ITPRIP: variants seen among roughly 807,000 people sequenced by gnomAD.
ITPRIP encodes the protein inositol 1,4,5-trisphosphate receptor interacting protein.
In ITPRIP, 32 loss-of-function variants were observed where a neutral mutation model predicts 35.8. The observed-to-expected ratio is 0.89, with a 90% CI of 0.68 to 1.20. The LOEUF (loss-of-function observed/expected upper bound fraction) is 1.20, where lower values mean the gene tolerates loss of function less well. Among genes scored for constraint, ITPRIP ranks in the 50% most tolerant of loss-of-function variants. The pLI is 0.00. For synonymous variants in ITPRIP, 358 were observed against 324.0 expected (o/e 1.11, Z -1.13); for missense variants, 653 against 735.6 (o/e 0.89, Z 1.30).
In ITPRIP at chr10:104,315,428, G is replaced by A. The variant is rs2013639574; in HGVS notation, c.624C>T (p.Cys208=). ...GGGGTGTGAAGGGCACGAAAAGGTG[G>A]CACAGCAGTGGCCTGTCCACCTGCC... is the stretch of plus-strand genomic sequence containing the variant. ...ENWQVDRPLL[C]HLFVPFTPPE... is the part of the protein sequence containing the mutation. Residue 208 remains cysteine, a synonymous_variant, in exon 2 of 2, where the codon TGC becomes TGT. Coordinates refer to ENST00000337478, the MANE Select transcript of ITPRIP (RefSeq NM_001272013.2). The surrounding 1 kb of genome is among the most constrained non-coding windows in gnomAD (Gnocchi z 5.7). 1.3e-6 allele frequency: 2 copies of A among 1,598,284 alleles called. No homozygotes were observed. The highest frequency in any genetic ancestry group is 2.7e-5 in the African/African-American group (2 of 74,828).
chr10:104,315,400 CG>C lies in ITPRIP; in HGVS notation c.651del (p.Glu218SerfsTer36). Reference protein sequence around the residue: ...LCHLFVPFTPPEPYRFHPELW... With the variant: ...LCHLFVPFTPXEPYRFHPELW... ...AGCTCTGGGTGGAAGCGGTAGGGCT[CG>C]GGGGGTGTGAAGGGCACGAAAAGGT... On this transcript the variant is annotated frameshift_variant, in exon 2 of 2. Coordinates refer to ENST00000337478, the MANE Select transcript of ITPRIP (RefSeq NM_001272013.2). LOFTEE classifies it high-confidence loss of function. This position sits in a 1 kb window ranked among gnomAD's most constrained non-coding sequence, Gnocchi z 5.7. 1.3e-6 allele frequency: 2 copies of C among 1,579,370 alleles called. No homozygotes were observed. The highest frequency in any genetic ancestry group is 8.6e-7 in the Non-Finnish European group (1 of 1,159,898).
In ITPRIP at chr10:104,312,077, A is replaced by G. The variant is rs954445628; in HGVS notation, c.*2331T>C. ...TAGGAAATCCACCCCCCTGTCCCCA[A>G]CTCTGCCCTGGGAGCCTCACAGATT... On this transcript the variant is annotated 3_prime_UTR_variant, in exon 2 of 2. Transcript: ENST00000337478. 2 of 152,262 alleles carry G rather than the reference A, an allele frequency of 1.3e-5. No individual in the cohort carries two copies. Among genetic ancestry groups the G allele is most frequent in the East Asian group, 1.9e-4 (1 of 5,178 alleles). The allele number at this position is 152,262 out of a possible 1,614,324, so 9.4% of individuals were successfully genotyped here. A position where few individuals can be genotyped will look rare whatever the true frequency, so the allele number is the denominator to read the frequency against.
Position 104,314,552 on chromosome 10 carries a change from G to A in ITPRIP, c.1500C>T (p.Leu500=). The A allele has an allele frequency of 6.2e-7, 1 of 1,614,236 alleles. No individual in the cohort carries two copies. The highest frequency in any genetic ancestry group is 8.5e-7 in the Non-Finnish European group (1 of 1,180,048). ...GCAGGACGAAGGGCCGGAAGAGGTT[G>A]AGGGGCTCGGCCCTGAGCACGGCCT... ...LPEAVLRAEP[L]NLFRPFVLQR... is the part of the protein sequence containing the mutation. Residue 500 remains leucine, a synonymous_variant, in exon 2 of 2, where the codon CTC becomes CTT. Coordinates refer to ENST00000337478, the MANE Select transcript of ITPRIP (RefSeq NM_001272013.2).
intron 1 of ITPRIP, among the ~76,000 whole-genome samples, chr10:104,336,494 T>TTGGGGGG (rs1491360945): frequency 1.3e-5 from 1 of 74,610 alleles, no homozygotes; most frequent in African/African-American, 4.1e-5. Flanking sequence ...TATTTTTTTT[T>TTGGGGGG]GGGGGGGGGG....
At chr10:104,319,689 C>T (rs141335069) in intron 1 of ITPRIP, among the ~76,000 whole-genome samples, 103 of 152,196 alleles carry the variant, frequency 6.8e-4, no homozygotes, top group African/African-American at 2.4e-3. Flanking sequence ...CAGGGCCCAC[C>T]AGATGGGGTT....
In ITPRIP at chr10:104,328,629, C is replaced by T. The variant is rs2014081992; in HGVS notation, c.-14+9617G>A. Reference sequence around the variant, plus strand: ...AACAAAGCCCTCCCTTGGCCACTCCCCGCCCCCTTCCACTTTCCCCCTTTC... The same window carrying T: ...AACAAAGCCCTCCCTTGGCCACTCCTCGCCCCCTTCCACTTTCCCCCTTTC... On this transcript the variant is annotated intron_variant, in intron 1 of 1. Transcript: ENST00000337478. The surrounding 1 kb of genome is among the most constrained non-coding windows in gnomAD (Gnocchi z 4.1). Among the ~76,000 whole-genome samples the T allele has an allele frequency of 6.6e-6, 1 of 152,082 alleles. No homozygotes were observed. Among genetic ancestry groups the T allele is most frequent in the African/African-American group, 2.4e-5 (1 of 41,382 alleles).
At chr10:104,318,612 G>A (rs2013753403) in intron 1 of ITPRIP, among the ~76,000 whole-genome samples, 2 of 152,204 alleles carry the variant, frequency 1.3e-5, no homozygotes, top group Admixed American at 6.5e-5. Flanking sequence ...AGGAGGAGCT[G>A]TAAGAGCCTC....
chr10:104,324,998 G>A (rs1309517033), intron 1 of ITPRIP, among the ~76,000 whole-genome samples: 5 of 152,160 alleles, frequency 3.3e-5, no homozygotes, highest in Non-Finnish European at 2.9e-5. Flanking sequence ...CAGATGGATC[G>A]CCTGAGCTCA....
At position 104,315,911 on chromosome 10, in the gene ITPRIP, C is replaced by T. The variant is rs372515030; in HGVS notation, c.141G>A (p.Lys47=). 6.2e-7 allele frequency: 1 copy of T among 1,613,870 alleles called. No individual in the cohort carries two copies. Among genetic ancestry groups the T allele is most frequent in the African/African-American group, 1.3e-5 (1 of 74,956 alleles). ...CCAGGCGCAACTGCTCCAGCTGCAG[C>T]TTCTCCTGGTGCGCCTGCATCTTGC... ...IIRKMQAHQE[K]LQLEQLRLEE... is the part of the protein sequence containing the mutation. The change falls in exon 2 of 2, where the codon AAG becomes AAA. Residue 47 remains lysine, a synonymous_variant. Coordinates refer to ENST00000337478, the MANE Select transcript of ITPRIP (RefSeq NM_001272013.2). The surrounding 1 kb of genome is among the most constrained non-coding windows in gnomAD (Gnocchi z 5.7).
At chr10:104,321,920 C>A (rs2013858105) in intron 1 of ITPRIP, among the ~76,000 whole-genome samples, 1 of 152,078 alleles carries the variant, frequency 6.6e-6, no homozygotes, top group African/African-American at 2.4e-5. Context: ...ACATACTGAG[C>A]TCGAGGAACA....
chr10:104,315,778 G>C lies in ITPRIP; in HGVS notation c.274C>G (p.Leu92Val), dbSNP rs201669894. 3 of 1,613,978 alleles carry C rather than the reference G, an allele frequency of 1.9e-6. No individual in the cohort carries two copies. Among genetic ancestry groups the C allele is most frequent in the Non-Finnish European group, 2.5e-6 (3 of 1,180,012 alleles). ...ATCATCAGGAAGAGGATCATGCAGA[G>C]GGTGCTCCAGAGGTCCCAGGCCACG... ...TRVAWDLWST[L>V]CMILFLMIEV... Residue 92 changes from leucine to valine, a missense_variant, in exon 2 of 2, where the codon CTC (leucine) becomes GTC (valine). Transcript: ENST00000337478. This position sits in a 1 kb window ranked among gnomAD's most constrained non-coding sequence, Gnocchi z 5.7.
chr10:104,323,154 C>G (rs927664755), intron 1 of ITPRIP, among the ~76,000 whole-genome samples: 1 of 152,112 alleles, frequency 6.6e-6, no homozygotes, highest in African/African-American at 2.4e-5. Flanking sequence ...CGTGGACCCT[C>G]CCAGGGAGCA....
intron 1 of ITPRIP, among the ~76,000 whole-genome samples, chr10:104,331,135 G>A (rs2014138694): frequency 6.6e-6 from 1 of 152,206 alleles, no homozygotes; most frequent in Admixed American, 6.5e-5. Context: ...AAGGGAGTGA[G>A]GGCTCTCTTG....
intron 1 of ITPRIP, among the ~76,000 whole-genome samples, chr10:104,329,083 A>G (rs1722228829): frequency 6.6e-6 from 1 of 151,992 alleles, no homozygotes; most frequent in Non-Finnish European, 1.5e-5. Flanking sequence ...ACATGCACGC[A>G]CACACACACT....
rs276217 is a variant in ITPRIP at position 104,328,795 on chromosome 10, C to T, written c.-14+9451G>A. 16,794 of 152,078 alleles carry T rather than the reference C, an allele frequency of 0.11. 2,065 individuals are homozygous for T. The highest frequency in any genetic ancestry group is 0.3 in the African/African-American group (12,597 of 41,344). The allele number at this position is 152,078 out of a possible 1,614,324, so 9.4% of individuals were successfully genotyped here. A position where few individuals can be genotyped will look rare whatever the true frequency, so the allele number is the denominator to read the frequency against. On this transcript the variant is annotated intron_variant, in intron 1 of 1. Coordinates refer to ENST00000337478, the MANE Select transcript of ITPRIP (RefSeq NM_001272013.2). The surrounding 1 kb of genome is among the most constrained non-coding windows in gnomAD (Gnocchi z 4.1). ...AGGAGATGGGGGAGGATGAACCCCC[C>T]AAGGCCTTGTCCACGACCTCGGAAA...
At position 104,315,989 on chromosome 10, in the gene ITPRIP, CA is replaced by C; in HGVS notation, c.62del (p.Leu21ArgfsTer74). ...CTGTGGCGTTCTCCCGCGGGAACAG[CA>C]GCGGGTGGTTGATGATGGCCGTCAC... Reference protein sequence around the residue: ...VVVTAIINHPLLFPRENATVP... With the variant: ...VVVTAIINHPXLFPRENATVP... On this transcript the variant is annotated frameshift_variant, in exon 2 of 2. Transcript: ENST00000337478. LOFTEE classifies it high-confidence loss of function. This position sits in a 1 kb window ranked among gnomAD's most constrained non-coding sequence, Gnocchi z 5.7. The C allele has an allele frequency of 1.2e-6, 2 of 1,611,692 alleles. No individual in the cohort carries two copies. Among genetic ancestry groups the C allele is most frequent in the Non-Finnish European group, 1.7e-6 (2 of 1,179,126 alleles).
chr10:104,322,059 T>G (rs2013862820), intron 1 of ITPRIP, among the ~76,000 whole-genome samples: 1 of 152,106 alleles, frequency 6.6e-6, no homozygotes, highest in Non-Finnish European at 1.5e-5. Flanking sequence ...ATGTGGGGCA[T>G]AAAAGGCACG....
At chr10:104,329,535 A>G (rs1170882496) in intron 1 of ITPRIP, among the ~76,000 whole-genome samples, 3 of 152,116 alleles carry the variant, frequency 2.0e-5, no homozygotes, top group Non-Finnish European at 4.4e-5. Context: ...GCATGGACCC[A>G]TGACTCATAT....
rs1241430245 is a variant in ITPRIP, at chr10:104,315,858, T to C, written c.194A>G (p.Glu65Gly). 2 of 1,613,164 alleles carry C rather than the reference T, an allele frequency of 1.2e-6. No individual in the cohort carries two copies. The highest frequency in any genetic ancestry group is 3.3e-5 in the Admixed American group (2 of 60,002). The change falls in exon 2 of 2, where the codon GAA becomes GGA. Residue 65 changes from glutamate (E) to glycine (G), a missense_variant. By Grantham distance (98) the Glu-to-Gly change is moderately conservative. Coordinates refer to ENST00000337478, the MANE Select transcript of ITPRIP (RefSeq NM_001272013.2). This position sits in a 1 kb window ranked among gnomAD's most constrained non-coding sequence, Gnocchi z 5.7. ...LEEEVARLAA[E>G]KEALEQVAEE... Reference sequence around the variant, plus strand: ...CGCCACCTGCTCCAGTGCCTCCTTTTCGGCCGCCAGCCGAGCCACCTCCTC... The same window carrying C: ...CGCCACCTGCTCCAGTGCCTCCTTTCCGGCCGCCAGCCGAGCCACCTCCTC...
Sources: allele counts gnomAD v4.1 joint callset (sites outside exome capture counted in the v4.1 genomes callset), GRCh38; gene constraint gnomAD v4.1.1; non-coding constraint Gnocchi (gnomAD v3.1); transcripts MANE v1.5; gene names NCBI Gene and HGNC (gene_info 2026-07-23, HGNC 2026-07-21).